Variants in PSD3 observed in about 807,000 individuals in gnomAD.
PSD3 encodes the protein PH and SEC7 domain-containing protein 3.
PSD3 carries 49 observed loss-of-function variants against 105.5 expected under a neutral mutation model. The ratio of observed to expected loss-of-function variants is 0.46; its 90% CI spans 0.37 to 0.59. The LOEUF (loss-of-function observed/expected upper bound fraction) is 0.59, where lower values mean the gene tolerates loss of function less well. Ranked by LOEUF, PSD3 falls within the 20% of genes least tolerant of loss-of-function variation. The probability of loss-of-function intolerance (pLI) is 0.00; values close to 1 mark genes in which losing one functional copy is unlikely to be tolerated. For missense variants in PSD3, 1,561 were observed against 1,263.8 expected, an observed-to-expected ratio of 1.24 and a Z score of -3.57; for synonymous variants, 557 against 457.8, an observed-to-expected ratio of 1.22 and a Z score of -2.77.
chr8:18,848,403 G>C (rs369495694), intron 4 of PSD3, among the ~76,000 whole-genome samples: 23 of 152,302 alleles, frequency 1.5e-4, no homozygotes, highest in African/African-American at 5.3e-4. Context: ...CCTCTTGCCA[G>C]AGCTGGTCCC....
At chr8:18,640,779 G>A (rs961865561) in intron 10 of PSD3, among the ~76,000 whole-genome samples, 1 of 152,178 alleles carries the variant, frequency 6.6e-6, no homozygotes, top group African/African-American at 2.4e-5. Context: ...CTCTATTTAG[G>A]AAGCAGAACT....
intron 1 of PSD3, among the ~76,000 whole-genome samples, chr8:19,034,813 G>A (rs576632067): frequency 1.3e-5 from 2 of 152,272 alleles, no homozygotes; most frequent in South Asian, 4.1e-4. Flanking sequence ...AGAGGACAAA[G>A]CAAAACTCCC....
At chr8:18,791,630 C>A (rs1809727460) in intron 8 of PSD3, among the ~76,000 whole-genome samples, 1 of 152,066 alleles carries the variant, frequency 6.6e-6, no homozygotes, top group Non-Finnish European at 1.5e-5. Flanking sequence ...AAAACCCTAA[C>A]AGAAAACATA....
intron 8 of PSD3, among the ~76,000 whole-genome samples, chr8:18,772,095 A>T (rs1316746257): frequency 6.6e-6 from 1 of 152,210 alleles, no homozygotes; most frequent in Non-Finnish European, 1.5e-5. Flanking sequence ...TTTCCATTTT[A>T]TGTAGAGACA....
intron 9 of PSD3, among the ~76,000 whole-genome samples, chr8:18,665,655 A>C (rs1045566358): frequency 1.3e-5 from 2 of 152,254 alleles, no homozygotes; most frequent in Non-Finnish European, 2.9e-5. Context: ...AAATGCTAAC[A>C]AACAGCATCA....
intron 15 of PSD3, among the ~76,000 whole-genome samples, chr8:18,537,021 T>C (rs1011658802): frequency 6.6e-6 from 1 of 152,238 alleles, no homozygotes; most frequent in African/African-American, 2.4e-5. Flanking sequence ...CTAGTCAGAT[T>C]GGGGTTTTGT....
At chr8:18,870,920 G>T (rs1356180638) in intron 3 of PSD3, among the ~76,000 whole-genome samples, 1 of 152,032 alleles carries the variant, frequency 6.6e-6, no homozygotes, top group Non-Finnish European at 1.5e-5. Context: ...GCAACAAAGT[G>T]GGACCCCATC....
At chr8:18,697,703 T>C (rs1197664436) in intron 9 of PSD3, among the ~76,000 whole-genome samples, 1 of 152,222 alleles carries the variant, frequency 6.6e-6, no homozygotes. Context: ...GAATTACCTC[T>C]GGGCAAGTAT....
chr8:18,873,357 C>T (rs1379227791), intron 2 of PSD3, among the ~76,000 whole-genome samples: 4 of 152,136 alleles, frequency 2.6e-5, no homozygotes, highest in Non-Finnish European at 5.9e-5. Flanking sequence ...GAAAGACTTC[C>T]AGGAACCCAA....
At chr8:18,734,266 G>A (rs1803987038) in intron 9 of PSD3, 1 of 151,992 alleles carries the variant, frequency 6.6e-6, no homozygotes, top group Non-Finnish European at 1.5e-5. Flanking sequence ...ATAAAAATAT[G>A]GATTAAAAAT....
At chr8:19,067,097 A>T (rs147831310) in intron 1 of PSD3, among the ~76,000 whole-genome samples, 8 of 152,218 alleles carry the variant, frequency 5.3e-5, no homozygotes, top group Non-Finnish European at 1.0e-4. Flanking sequence ...TGCAAGACTG[A>T]TGAGTTCTTT....
At chr8:18,874,426 A>G (rs1445278106) in intron 2 of PSD3, among the ~76,000 whole-genome samples, 3 of 152,046 alleles carry the variant, frequency 2.0e-5, no homozygotes, top group Non-Finnish European at 4.4e-5. Context: ...CGGCCTCCCA[A>G]AATGCTGGGA....
chr8:18,855,594 C>A (rs1333968209), intron 4 of PSD3, among the ~76,000 whole-genome samples: 1 of 152,170 alleles, frequency 6.6e-6, no homozygotes, highest in Non-Finnish European at 1.5e-5. Flanking sequence ...AAAGCAGCCA[C>A]CACTGCCAGG....
intron 2 of PSD3, 23 bp downstream of exon 2, chr8:18,936,011 G>T: frequency 7.0e-7 from 1 of 1,434,316 alleles, no homozygotes. Flanking sequence ...TTACCTGGGA[G>T]AGGGATATGA....
intron 4 of PSD3, among the ~76,000 whole-genome samples, chr8:18,846,740 T>C (rs904813250): frequency 6.6e-6 from 1 of 152,148 alleles, no homozygotes; most frequent in Admixed American, 6.6e-5. Flanking sequence ...CAAAACCGAC[T>C]GGTCTCAACT....
chr8:18,598,868 A>G (rs1804231925), intron 12 of PSD3, among the ~76,000 whole-genome samples: 1 of 152,164 alleles, frequency 6.6e-6, no homozygotes, highest in Non-Finnish European at 1.5e-5. Context: ...GAAAACTATA[A>G]AACACTGCTG....
chr8:18,758,695 T>C (rs1348714475), intron 9 of PSD3, among the ~76,000 whole-genome samples: 1 of 152,184 alleles, frequency 6.6e-6, no homozygotes, highest in Non-Finnish European at 1.5e-5. Flanking sequence ...TGCTGATCTT[T>C]TGAGTCTGTT....
intron 1 of PSD3, among the ~76,000 whole-genome samples, chr8:19,026,407 G>C (rs1352046817): frequency 6.6e-6 from 1 of 151,986 alleles, no homozygotes; most frequent in Non-Finnish European, 1.5e-5. Context: ...CAGTGACAAG[G>C]GCTAATCGCA....
At chr8:18,622,627 T>G (rs1806196364) in intron 11 of PSD3, among the ~76,000 whole-genome samples, 1 of 152,194 alleles carries the variant, frequency 6.6e-6, no homozygotes, top group Admixed American at 6.5e-5. Flanking sequence ...TGTACATAAG[T>G]GTACAATTTG....
Sources: allele counts gnomAD v4.1 joint callset (sites outside exome capture counted in the v4.1 genomes callset), GRCh38; gene constraint gnomAD v4.1.1; transcripts MANE v1.5; gene names NCBI Gene and HGNC (gene_info 2026-07-23, HGNC 2026-07-21).